The following TMEM268 variants were observed in gnomAD, a reference collection of about 807,000 sequenced individuals.
TMEM268 encodes the protein transmembrane protein C9orf91.
A neutral mutation model predicts 39.1 loss-of-function variants in TMEM268; 24 were observed. The observed-to-expected ratio is 0.61, with a 90% CI of 0.44 to 0.86. TMEM268 has a LOEUF of 0.86. TMEM268 is among the 40% of genes least tolerant of loss of function. The pLI, the probability that TMEM268 is intolerant of heterozygous loss-of-function variation, is 0.00. For missense variants in TMEM268, 409 were observed against 428.6 expected (o/e 0.95, Z 0.40); for synonymous variants, 176 against 173.5 (o/e 1.01, Z -0.12).
intron 1 of TMEM268, among the ~76,000 whole-genome samples, chr9:114,613,346 T>G (rs1242432500): frequency 3.3e-5 from 5 of 152,226 alleles, no homozygotes; most frequent in African/African-American, 1.2e-4. Context: ...CTGGGCATGG[T>G]CCCTCGTGGC....
chr9:114,624,094 T>A (rs1016959404), intron 2 of TMEM268: 3 of 453,846 alleles, frequency 6.6e-6, no homozygotes, highest in Non-Finnish European at 9.9e-6. Context: ...GCTTTTGCTC[T>A]TGGAAAATTC....
chr9:114,618,794 G>A (rs2133607946), intron 2 of TMEM268, among the ~76,000 whole-genome samples: 1 of 152,288 alleles, frequency 6.6e-6, no homozygotes, highest in South Asian at 2.1e-4. Flanking sequence ...TCTCCCTCTA[G>A]CATTTATCAT....
At chr9:114,615,599 CT>C (rs1168608093) in intron 1 of TMEM268, 2 of 150,978 alleles carry the variant, frequency 1.3e-5, no homozygotes, top group Non-Finnish European at 2.9e-5. Context: ...GTTAGTCTGA[CT>C]TTGGAGACCA....
intron 2 of TMEM268, 41 bp from the exon 3 acceptor site, chr9:114,624,309 G>T: frequency 6.4e-7 from 1 of 1,561,886 alleles, no homozygotes; most frequent in Non-Finnish European, 8.7e-7. Context: ...AGCCTGGTAT[G>T]GTTATCACTC....
chr9:114,625,324 C>T (rs994253623), intron 3 of TMEM268, among the ~76,000 whole-genome samples: 1 of 152,110 alleles, frequency 6.6e-6, no homozygotes, highest in Non-Finnish European at 1.5e-5. Context: ...TCCCAAAGCC[C>T]CCAACATGAT....
intron 8 of TMEM268, among the ~76,000 whole-genome samples, chr9:114,639,773 A>G (rs1846810744): frequency 6.7e-6 from 1 of 149,644 alleles, no homozygotes; most frequent in Admixed American, 6.6e-5. Flanking sequence ...TAATCCCAGC[A>G]CTTTGGGAGG....
intron 3 of TMEM268, among the ~76,000 whole-genome samples, chr9:114,626,136 T>G (rs1457387957): frequency 6.6e-6 from 1 of 152,128 alleles, no homozygotes; most frequent in Non-Finnish European, 1.5e-5. Context: ...TCTTTTTTAT[T>G]TTTATAAAAA....
At chr9:114,624,226 G>A (rs1258013257) in intron 2 of TMEM268, 124 bp from the exon 3 acceptor site, 13 of 1,471,250 alleles carry the variant, frequency 8.8e-6, no homozygotes, top group South Asian at 4.1e-5. Context: ...GATGGCCACC[G>A]TGTCCCTCCT....
intron 2 of TMEM268, 88 bp downstream of exon 2, chr9:114,617,389 C>T (rs1187636018): frequency 9.8e-7 from 1 of 1,021,224 alleles, no homozygotes; most frequent in Non-Finnish European, 1.5e-6. Context: ...TAGATAAGGT[C>T]AGGGGGAGGT....
chr9:114,635,427 A>C (rs1348145439), intron 6 of TMEM268, among the ~76,000 whole-genome samples: 1 of 151,970 alleles, frequency 6.6e-6, no homozygotes, highest in Non-Finnish European at 1.5e-5. Context: ...CTATAATCCT[A>C]GCACTTTGGG....
chr9:114,625,896 G>A (rs1048886745), intron 3 of TMEM268, among the ~76,000 whole-genome samples: 1 of 151,268 alleles, frequency 6.6e-6, no homozygotes, highest in African/African-American at 2.4e-5. Context: ...GTGTGATCTC[G>A]GCTCACTGCA....
chr9:114,640,822 A>G (rs1210398330), intron 8 of TMEM268, among the ~76,000 whole-genome samples: 1 of 151,770 alleles, frequency 6.6e-6, no homozygotes, highest in East Asian at 1.9e-4. Flanking sequence ...TATTGATGCC[A>G]TTTGTGGAGC....
At chr9:114,607,975 A>T (rs1220692842), upstream of TMEM268, among the ~76,000 whole-genome samples, 1 of 151,936 alleles carries the variant, frequency 6.6e-6, no homozygotes, top group Non-Finnish European at 1.5e-5. Context: ...GAGAGTGAGT[A>T]AAGATTAGTC....
intron 5 of TMEM268, among the ~76,000 whole-genome samples, chr9:114,632,930 T>C: frequency 6.6e-6 from 1 of 152,176 alleles, no homozygotes. Context: ...AGAGCTGGGC[T>C]TTATCCCAGG....
intron 8 of TMEM268, among the ~76,000 whole-genome samples, chr9:114,641,444 C>T (rs1001944685): frequency 6.6e-6 from 1 of 152,208 alleles, no homozygotes; most frequent in African/African-American, 2.4e-5. Flanking sequence ...CAACCCCATG[C>T]TTAAGGAAGT....
chr9:114,634,162 A>G (rs1216414518), intron 6 of TMEM268, among the ~76,000 whole-genome samples: 1 of 152,140 alleles, frequency 6.6e-6, no homozygotes, highest in African/African-American at 2.4e-5. Flanking sequence ...CAGCAGACGG[A>G]GCCTCCTCTG....
At chr9:114,609,166 C>T (rs1845404954), upstream of TMEM268, among the ~76,000 whole-genome samples, 3 of 152,010 alleles carry the variant, frequency 2.0e-5, no homozygotes, top group African/African-American at 7.3e-5. Flanking sequence ...CAAAAATTAG[C>T]CAGGCGTGGT....
intron 5 of TMEM268, among the ~76,000 whole-genome samples, chr9:114,631,356 C>A (rs1846391744): frequency 6.6e-6 from 1 of 150,984 alleles, no homozygotes; most frequent in Non-Finnish European, 1.5e-5. Context: ...TGCTAGGACA[C>A]ATGAGAAGTT....
upstream of TMEM268, among the ~76,000 whole-genome samples, chr9:114,608,286 C>T (rs192057146): frequency 1.1e-3 from 162 of 152,344 alleles, 3 homozygotes; most frequent in Admixed American, 8.4e-3. Context: ...TTCTTGCAAT[C>T]TCCCAGATTA....
Sources: allele counts gnomAD v4.1 joint callset (sites outside exome capture counted in the v4.1 genomes callset), GRCh38; gene constraint gnomAD v4.1.1; transcripts MANE v1.5; gene names NCBI Gene and HGNC (gene_info 2026-07-23, HGNC 2026-07-21).